LYPLAL1: variants seen among roughly 807,000 people sequenced by gnomAD.
The protein encoded by LYPLAL1 is lysophospholipase-like protein 1.
LYPLAL1 carries 23 observed loss-of-function variants against 19.7 expected under a neutral mutation model. The observed-to-expected ratio is 1.17, with a 90% CI of 0.84 to 1.65. LYPLAL1 has a LOEUF of 1.65. Ranked by LOEUF, LYPLAL1 falls within the 40% of genes most tolerant of loss-of-function variation. The pLI is 0.00. For synonymous variants in LYPLAL1, 119 were observed against 96.3 expected, an observed-to-expected ratio of 1.24 and a Z score of -1.38; for missense variants, 355 against 279.4, an observed-to-expected ratio of 1.27 and a Z score of -1.93.
the LYPLAL1 span, among the ~76,000 whole-genome samples, chr1:219,336,831 G>T: frequency 2.0e-5 from 3 of 152,064 alleles, no homozygotes; most frequent in South Asian, 4.1e-4. Context: ...TAGAGTAAAA[G>T]AAATCTGCCT....
chr1:219,391,050 T>TA, the LYPLAL1 span, among the ~76,000 whole-genome samples: 35 of 152,316 alleles, frequency 2.3e-4, no homozygotes, highest in African/African-American at 7.9e-4. Flanking sequence ...AACAAAAGGT[T>TA]AAAATCTTTT....
the LYPLAL1 span, among the ~76,000 whole-genome samples, chr1:219,323,992 T>C: frequency 6.6e-6 from 1 of 152,204 alleles, no homozygotes; most frequent in Non-Finnish European, 1.5e-5. Flanking sequence ...ACATGGTAAC[T>C]GACTAGTAAG....
the LYPLAL1 span, among the ~76,000 whole-genome samples, chr1:219,368,619 T>G: frequency 2.0e-5 from 3 of 152,206 alleles, no homozygotes. Context: ...CCACCAACAG[T>G]GTCTGCTGTG....
the LYPLAL1 span, among the ~76,000 whole-genome samples, chr1:219,362,154 G>A: frequency 1.2e-4 from 19 of 152,234 alleles, no homozygotes; most frequent in Middle Eastern, 3.4e-3. Context: ...CAACTTGTCC[G>A]AGGTAACCCA....
chr1:219,439,154 C>T, the LYPLAL1 span, among the ~76,000 whole-genome samples: 1 of 152,198 alleles, frequency 6.6e-6, no homozygotes, highest in Admixed American at 6.5e-5. Context: ...CTGACAAACT[C>T]ATACTCCTGT....
chr1:219,382,105 GAC>G, the LYPLAL1 span, among the ~76,000 whole-genome samples: 1 of 152,214 alleles, frequency 6.6e-6, no homozygotes, highest in Non-Finnish European at 1.5e-5. Context: ...GCAAAAAAGA[GAC>G]ACAGTCAGGG....
chr1:219,390,412 A>G, the LYPLAL1 span, among the ~76,000 whole-genome samples: 1 of 152,202 alleles, frequency 6.6e-6, no homozygotes, highest in Non-Finnish European at 1.5e-5. Flanking sequence ...AAGATTAACT[A>G]CCAGAGAAGA....
the LYPLAL1 span, among the ~76,000 whole-genome samples, chr1:219,220,693 C>T: frequency 2.0e-5 from 3 of 151,970 alleles, no homozygotes; most frequent in African/African-American, 4.8e-5. Context: ...TTGAGGAGAA[C>T]GCCCAACATT....
At chr1:219,249,761 G>T in the LYPLAL1 span, among the ~76,000 whole-genome samples, 1 of 151,940 alleles carries the variant, frequency 6.6e-6, no homozygotes, top group African/African-American at 2.4e-5. Flanking sequence ...TATGCACTGT[G>T]CTTTAATTAA....
chr1:219,198,999 G>A (rs1215166988), intron 3 of LYPLAL1, among the ~76,000 whole-genome samples: 2 of 152,078 alleles, frequency 1.3e-5, no homozygotes, highest in Admixed American at 1.3e-4. Flanking sequence ...GCAACCAGAA[G>A]GTCTATACGT....
the LYPLAL1 span, among the ~76,000 whole-genome samples, chr1:219,409,292 T>C: frequency 6.6e-6 from 1 of 152,030 alleles, no homozygotes; most frequent in African/African-American, 2.4e-5. Flanking sequence ...CTACAAAAAG[T>C]ACAAAAATTA....
At chr1:219,315,620 A>G in the LYPLAL1 span, among the ~76,000 whole-genome samples, 16 of 152,314 alleles carry the variant, frequency 1.1e-4, no homozygotes, top group African/African-American at 3.8e-4. Context: ...TGAACCCCAA[A>G]CACAATTTGA....
the LYPLAL1 span, among the ~76,000 whole-genome samples, chr1:219,266,121 CT>C: frequency 1.3e-4 from 19 of 151,990 alleles, no homozygotes; most frequent in African/African-American, 4.3e-4. Flanking sequence ...CTAACTGTAG[CT>C]TTTTTATTTT....
At chr1:219,210,735 C>A in intron 4 of LYPLAL1, 88 bp downstream of exon 4, 1 of 1,202,128 alleles carries the variant, frequency 8.3e-7, no homozygotes, top group South Asian at 1.6e-5. Context: ...AGCTGTAAAA[C>A]ACACACACAG....
At chr1:219,295,871 G>A in the LYPLAL1 span, among the ~76,000 whole-genome samples, 13 of 152,090 alleles carry the variant, frequency 8.5e-5, no homozygotes, top group Admixed American at 2.6e-4. Context: ...AGCACCTTCC[G>A]CTAAATCCCC....
the LYPLAL1 span, among the ~76,000 whole-genome samples, chr1:219,331,597 C>T: frequency 1.3e-5 from 2 of 152,200 alleles, no homozygotes; most frequent in South Asian, 4.1e-4. Context: ...TGCACACATG[C>T]CGTTGCCAAA....
chr1:219,317,409 T>G, the LYPLAL1 span, among the ~76,000 whole-genome samples: 1 of 152,192 alleles, frequency 6.6e-6, no homozygotes, highest in South Asian at 2.1e-4. Flanking sequence ...ACTTGGATTT[T>G]TTTTCTCTTT....
intron 2 of LYPLAL1, among the ~76,000 whole-genome samples, chr1:219,183,944 C>T (rs922056125): frequency 1.3e-5 from 2 of 151,804 alleles, no homozygotes; most frequent in African/African-American, 4.8e-5. Context: ...AGACTCTATT[C>T]CATTGGTCTA....
the LYPLAL1 span, among the ~76,000 whole-genome samples, chr1:219,395,214 T>C: frequency 6.6e-6 from 1 of 152,232 alleles, no homozygotes; most frequent in Non-Finnish European, 1.5e-5. Context: ...TTTTCCATAA[T>C]GGTTGAACTA....
Sources: allele counts gnomAD v4.1 joint callset (sites outside exome capture counted in the v4.1 genomes callset), GRCh38; gene constraint gnomAD v4.1.1; transcripts MANE v1.5; gene names NCBI Gene and HGNC (gene_info 2026-07-23, HGNC 2026-07-21).